CYBA: variants seen among roughly 807,000 people sequenced by gnomAD.
The protein encoded by CYBA is cytochrome b-245 light chain.
CYBA carries 21 observed loss-of-function variants against 20.8 expected under a neutral mutation model. The observed-to-expected ratio is 1.01, with a 90% CI of 0.72 to 1.46. The LOEUF (loss-of-function observed/expected upper bound fraction) is 1.46, where lower values mean the gene tolerates loss of function less well. CYBA is among the 40% of genes most tolerant of loss of function. The pLI is 0.00. For missense variants in CYBA, 344 were observed against 287.0 expected, an observed-to-expected ratio of 1.20 and a Z score of -1.43; for synonymous variants, 164 against 127.5, an observed-to-expected ratio of 1.29 and a Z score of -1.93.
rs143535409 is a variant in CYBA at position 88,649,179 on chromosome 16, C to T, written c.59-1065G>A. Among the ~76,000 whole-genome samples the T allele has an allele frequency of 2.4e-4, 36 of 152,264 alleles. No individual in the cohort carries two copies. The South Asian group carries it at 5.2e-3, about 22-fold the overall frequency. ...GTCTCGATCTCCTGACCTCGTGATC[C>T]GCCCGCCTTGGCCTCCCAAAGTGCT... is the stretch of plus-strand genomic sequence containing the variant. On this transcript the variant is annotated intron_variant, in intron 1 of 5. Coordinates refer to ENST00000261623, the MANE Select transcript of CYBA (RefSeq NM_000101.4).
intron 2 of CYBA, chr16:88,647,797 C>A (rs895844871): frequency 1.7e-6 from 1 of 588,146 alleles, no homozygotes; most frequent in Non-Finnish European, 3.1e-6. Context: ...CTGGCCCTGG[C>A]CCTCTGGTGA....
intron 1 of CYBA, chr16:88,650,384 G>A (rs1215749614): frequency 2.2e-6 from 1 of 456,948 alleles, no homozygotes; most frequent in African/African-American, 2.0e-5. Flanking sequence ...CCCACCCCAA[G>A]AGCAAAGTGC....
intron 1 of CYBA, among the ~76,000 whole-genome samples, chr16:88,648,329 G>T (rs1907366243): frequency 6.6e-6 from 1 of 152,222 alleles, no homozygotes; most frequent in African/African-American, 2.4e-5. Flanking sequence ...AGGGGGTGCT[G>T]GACATGCCCG....
At position 88,643,513 on chromosome 16, in the gene CYBA, T is replaced by C. The variant is rs1907161214; in HGVS notation, c.428A>G (p.Gln143Arg). 6.5e-7 allele frequency: 1 copy of C among 1,534,548 alleles called. No homozygotes were observed. Among genetic ancestry groups the C allele is most frequent in the Non-Finnish European group, 8.7e-7 (1 of 1,146,320 alleles). The part of the protein sequence containing the change: ...PIEPKPRERP[Q>R]IGGTIKQPPS... ...CGGCTGCTTGATGGTGCCTCCGATCTGCGGCCGCTCCCGGGGCTTGGGCTC... is the reference window on the plus strand; with the variant it reads ...CGGCTGCTTGATGGTGCCTCCGATCCGCGGCCGCTCCCGGGGCTTGGGCTC... The change falls in exon 6 of 6, where the codon CAG becomes CGG. Residue 143 changes from glutamine (Q) to arginine (R), a missense_variant. Physicochemically the swap from Gln to Arg is conservative, Grantham distance 43 (BLOSUM62 1). Transcript: ENST00000261623. This position sits in a 1 kb window ranked among gnomAD's most constrained non-coding sequence, Gnocchi z 4.3.
At chr16:88,650,769 ACTC>A (rs779320422) in intron 1 of CYBA, 184 bp downstream of exon 1, 52 of 645,922 alleles carry the variant, frequency 8.1e-5, no homozygotes, top group East Asian at 1.4e-4. Flanking sequence ...GGGTCTCAGA[ACTC>A]CTCCTTCCAG....
chr16:88,645,514 T>C, intron 5 of CYBA: 1 of 677,044 alleles, frequency 1.5e-6, no homozygotes, highest in Admixed American at 2.1e-5. Context: ...CCTGCAGCCG[T>C]CTGTTCCGGA....
chr16:88,645,645 G>T, intron 5 of CYBA: 1 of 591,066 alleles, frequency 1.7e-6, no homozygotes, highest in East Asian at 2.8e-5. Context: ...CCTTCTAACA[G>T]GGTGCAGCAG....
Position 88,646,199 on chromosome 16 carries a change from TG to T in CYBA, c.288-3del, listed in dbSNP as rs777808025. On this transcript the variant is annotated splice_polypyrimidine_tract_variant and splice_region_variant and intron_variant, in intron 4 of 5. Transcript: ENST00000261623. ...AGGAAGCCGGCGGGCACCGAGAGCC[TG>T]GGGGACAGCGGGTGAGAGGCAGGGA... 2.7e-5 allele frequency: 40 copies of T among 1,489,446 alleles called. 1 individual carries two copies. Among genetic ancestry groups the T allele is most frequent in the Non-Finnish European group, 2.5e-5 (28 of 1,121,968 alleles). 92.3% of individuals were successfully genotyped at this position (1,489,446 alleles called of 1,614,324 possible). A position where few individuals can be genotyped will look rare whatever the true frequency, so the allele number is the denominator to read the frequency against.
rs748998742 is a variant in CYBA, at chr16:88,646,746, G to T, written c.287+9C>A. ...TGAGCCCTAGAGGGGGTGCGGGACGGGGACTCACAGGAGATGCAGGACGGC... is the reference window on the plus strand; with the variant it reads ...TGAGCCCTAGAGGGGGTGCGGGACGTGGACTCACAGGAGATGCAGGACGGC... On this transcript the variant is annotated intron_variant, in intron 4 of 5. Transcript: ENST00000261623. The T allele has an allele frequency of 3.1e-6, 5 of 1,611,962 alleles. No homozygotes were observed. Among genetic ancestry groups the T allele is most frequent in the Non-Finnish European group, 4.2e-6 (5 of 1,178,378 alleles).
intron 2 of CYBA, chr16:88,647,724 AG>A: frequency 2.1e-6 from 1 of 476,380 alleles, no homozygotes; most frequent in South Asian, 2.1e-5. Flanking sequence ...GGGCCGGTCA[AG>A]GGGGATGACT....
intron 5 of CYBA, chr16:88,645,764 C>T (rs1169103530): frequency 5.6e-6 from 3 of 533,622 alleles, no homozygotes; most frequent in Non-Finnish European, 1.0e-5. Flanking sequence ...ATAATGGGAC[C>T]CAAGCGCAGG....
chr16:88,643,607 G>GCCCC lies in CYBA; in HGVS notation c.370-37_370-36insGGGG. 6.6e-7 allele frequency: 1 copy of GCCCC among 1,509,620 alleles called. No homozygotes were observed. Among genetic ancestry groups the GCCCC allele is most frequent in the Non-Finnish European group, 8.9e-7 (1 of 1,129,240 alleles). 93.5% of individuals were successfully genotyped at this position (1,509,620 alleles called of 1,614,324 possible). A position where few individuals can be genotyped will look rare whatever the true frequency, so the allele number is the denominator to read the frequency against. ...CTGAAGGGTTGAGCCGCGCCCCAGC[G>GCCCC]CCCGCCCTCCCTCCCTCCCTCCCTC... On this transcript the variant is annotated intron_variant, in intron 5 of 5. Transcript: ENST00000261623. This position sits in a 1 kb window ranked among gnomAD's most constrained non-coding sequence, Gnocchi z 4.3.
chr16:88,647,002 C>A, intron 3 of CYBA, 99 bp downstream of exon 3: 1 of 1,276,916 alleles, frequency 7.8e-7, no homozygotes, highest in South Asian at 1.2e-5. Context: ...AGGGTTGGTT[C>A]CGGAGCCTCC....
chr16:88,647,916 G>T, intron 2 of CYBA, 129 bp downstream of exon 2: 1 of 933,926 alleles, frequency 1.1e-6, no homozygotes, highest in South Asian at 1.4e-5. Context: ...CCCAACCCGT[G>T]CACAGCCCAC....
intron 4 of CYBA, 70 bp downstream of exon 4, chr16:88,646,684 CG>C: frequency 7.1e-7 from 1 of 1,401,382 alleles, no homozygotes; most frequent in Non-Finnish European, 1.0e-6. Context: ...GCAGCCCGGC[CG>C]GTGGGACAGT....
At chr16:88,644,796 G>T (rs1370732936) in intron 5 of CYBA, 2 of 268,780 alleles carry the variant, frequency 7.4e-6, no homozygotes, top group Non-Finnish European at 1.5e-5. Context: ...CTGCACTCCA[G>T]CCTGGGCGAT....
intron 1 of CYBA, among the ~76,000 whole-genome samples, chr16:88,649,080 C>T (rs531452225): frequency 2.0e-5 from 3 of 151,454 alleles, no homozygotes; most frequent in Non-Finnish European, 4.4e-5. Context: ...TGGGACTATG[C>T]GCGCCTGCCA....
At chr16:88,648,626 T>C (rs1021341897) in intron 1 of CYBA, among the ~76,000 whole-genome samples, 2 of 151,864 alleles carry the variant, frequency 1.3e-5, no homozygotes, top group Non-Finnish European at 2.9e-5. Flanking sequence ...TACTGTTTTT[T>C]TTTTTTTTCG....
At chr16:88,648,674 G>A (rs1907383015) in intron 1 of CYBA, among the ~76,000 whole-genome samples, 1 of 150,418 alleles carries the variant, frequency 6.6e-6, no homozygotes, top group Admixed American at 6.6e-5. Flanking sequence ...CTGGAGTGCA[G>A]TGGCGCGATC....
Sources: allele counts gnomAD v4.1 joint callset (sites outside exome capture counted in the v4.1 genomes callset), GRCh38; gene constraint gnomAD v4.1.1; non-coding constraint Gnocchi (gnomAD v3.1); transcripts MANE v1.5; gene names NCBI Gene and HGNC (gene_info 2026-07-23, HGNC 2026-07-21).